CLDN14: variants seen among roughly 807,000 people sequenced by gnomAD.
CLDN14 encodes the protein claudin 14.
A neutral mutation model predicts 2.1 loss-of-function variants in CLDN14; 2 were observed. That is an observed-to-expected ratio of 0.96 (90% CI 0.39 to 3.01). CLDN14 has a LOEUF of 3.01. Ranked by LOEUF, CLDN14 falls within the 30% of genes most tolerant of loss-of-function variation. The probability of loss-of-function intolerance (pLI) is 0.09; values close to 1 mark genes in which losing one functional copy is unlikely to be tolerated. For synonymous variants in CLDN14, 136 were observed against 154.4 expected (o/e 0.88, Z 0.88); for missense variants, 298 against 328.0 (o/e 0.91, Z 0.71).
At chr21:36,531,261 G>T (rs2087377272) in intron 1 of CLDN14, among the ~76,000 whole-genome samples, 1 of 151,276 alleles carries the variant, frequency 6.6e-6, no homozygotes, top group Non-Finnish European at 1.5e-5. Flanking sequence ...AAATTTTAGG[G>T]AAATAAATAT....
chr21:36,535,465 G>C (rs2087416777), intron 1 of CLDN14, among the ~76,000 whole-genome samples: 1 of 151,874 alleles, frequency 6.6e-6, no homozygotes, highest in Non-Finnish European at 1.5e-5. Context: ...CATGGTAATG[G>C]AAAAAAGCAT....
intron 1 of CLDN14, among the ~76,000 whole-genome samples, chr21:36,469,091 A>T (rs964969019): frequency 5.3e-5 from 8 of 152,160 alleles, no homozygotes; most frequent in Admixed American, 2.6e-4. Flanking sequence ...CATCTTGGAC[A>T]CTGTGTTTCT....
At chr21:36,484,316 A>C (rs2086874197), upstream of CLDN14, among the ~76,000 whole-genome samples, 1 of 152,182 alleles carries the variant, frequency 6.6e-6, no homozygotes, top group Admixed American at 6.5e-5. Context: ...GTGAATTGCA[A>C]ATTCAGACTT....
At chr21:36,474,935 T>G (rs896643290) in intron 1 of CLDN14, among the ~76,000 whole-genome samples, 1 of 152,116 alleles carries the variant, frequency 6.6e-6, no homozygotes, top group African/African-American at 2.4e-5. Context: ...TGCTCCAAGT[T>G]TCTCAGGGAA....
intron 1 of CLDN14, among the ~76,000 whole-genome samples, chr21:36,549,276 A>ACTCT (rs1555854100): frequency 4.3e-5 from 6 of 139,538 alleles, no homozygotes; most frequent in African/African-American, 1.0e-4. Context: ...TTACACACAC[A>ACTCT]CTCTCTCTCT....
chr21:36,486,393 C>A, intron 2 of CLDN14: 1 of 1,064,252 alleles, frequency 9.4e-7, no homozygotes, highest in South Asian at 1.3e-5. Flanking sequence ...TGCAGCTGCT[C>A]GTCTGGGCTC....
intron 2 of CLDN14, among the ~76,000 whole-genome samples, chr21:36,491,378 A>C (rs973731468): frequency 2.0e-5 from 3 of 152,174 alleles, no homozygotes; most frequent in Non-Finnish European, 4.4e-5. Context: ...ACAAGAAGCA[A>C]CACACAAAGC....
rs558334411 is a variant in CLDN14 at position 36,467,522 on chromosome 21, G to A, written c.-81-5746C>T. Among the ~76,000 whole-genome samples, 81 of 152,238 alleles carry A rather than the reference G, an allele frequency of 5.3e-4. 1 individual carries two copies. Among genetic ancestry groups the A allele is most frequent in the Non-Finnish European group, 9.9e-4 (67 of 68,018 alleles). ...TCCAGGCTTCTTGGAGGGGTGCGGG[G>A]GTGGGACGAGGCCACCCTATCTCAC... On this transcript the variant is annotated intron_variant, in intron 1 of 1. Transcript: ENST00000399135.
chr21:36,460,928 C>T lies in CLDN14; in HGVS notation c.*48G>A, dbSNP rs199523516. 527 of 1,594,004 alleles carry T rather than the reference C, an allele frequency of 3.3e-4. 1 individual carries two copies. In the African/African-American group the frequency reaches 4.8e-3, roughly 15 times the overall value. On this transcript the variant is annotated 3_prime_UTR_variant, in exon 2 of 2. Coordinates refer to ENST00000399135, the MANE Select transcript of CLDN14 (RefSeq NM_001146079.2). The surrounding 1 kb of genome is among the most constrained non-coding windows in gnomAD (Gnocchi z 4.0). ...CCCCTGCCTCCATTGACAGTCCCGC[C>T]GGGGACCCAGCCCACAGCAGCCCAG...
intron 2 of CLDN14, among the ~76,000 whole-genome samples, chr21:36,494,159 C>T (rs1373516985): frequency 2.6e-5 from 4 of 152,164 alleles, no homozygotes; most frequent in Admixed American, 1.3e-4. Context: ...TGGCACAGAC[C>T]GGGAGACCAT....
At position 36,499,561 on chromosome 21, in the gene CLDN14, G is replaced by A. The variant is rs750964992; in HGVS notation, c.-82+10802C>T. Among the ~76,000 whole-genome samples the A allele has an allele frequency of 2.8e-4, 43 of 152,210 alleles. No homozygotes were observed. The highest frequency in any genetic ancestry group is 6.5e-4 in the African/African-American group (27 of 41,536). On this transcript the variant is annotated intron_variant, in intron 2 of 2. Coordinates refer to the CLDN14 transcript ENST00000342108. The surrounding 1 kb of genome is among the most constrained non-coding windows in gnomAD (Gnocchi z 4.7). ...TTGCAGGGGGCTTGTTGCAATGTCCGTACCAGGGCCCCAACCCAGACCTAC... is the reference window on the plus strand; with the variant it reads ...TTGCAGGGGGCTTGTTGCAATGTCCATACCAGGGCCCCAACCCAGACCTAC...
chr21:36,489,131 A>AAAAAAATATATATATAT, intron 2 of CLDN14, among the ~76,000 whole-genome samples: 6 of 62,732 alleles, frequency 9.6e-5, no homozygotes, highest in African/African-American at 2.3e-4. Flanking sequence ...AAAAAAAAAA[A>AAAAAAATATATATATAT]ATATATATAT....
chr21:36,537,656 C>CTTTT (rs71198822), intron 1 of CLDN14, among the ~76,000 whole-genome samples: 1 of 143,234 alleles, frequency 7.0e-6, no homozygotes, highest in Non-Finnish European at 1.5e-5. Flanking sequence ...CTTTTCTTTT[C>CTTTT]TTTTTTTTTT....
chr21:36,517,102 A>C (rs1346775962), intron 1 of CLDN14, among the ~76,000 whole-genome samples: 1 of 151,840 alleles, frequency 6.6e-6, no homozygotes, highest in Non-Finnish European at 1.5e-5. Context: ...AGCCTCCCAA[A>C]GTTCTGGGAT....
chr21:36,505,939 G>A (rs943105174), intron 2 of CLDN14, among the ~76,000 whole-genome samples: 1 of 152,180 alleles, frequency 6.6e-6, no homozygotes, highest in African/African-American at 2.4e-5. Context: ...TACTGTCAGT[G>A]TCTTTTTTGG....
intron 1 of CLDN14, among the ~76,000 whole-genome samples, chr21:36,469,353 G>A (rs1247910971): frequency 6.6e-6 from 1 of 152,108 alleles, no homozygotes. Flanking sequence ...CAGACTGGCA[G>A]GCATCTAGAT....
chr21:36,573,018 G>C (rs1357389740), intron 1 of CLDN14, among the ~76,000 whole-genome samples: 3 of 152,168 alleles, frequency 2.0e-5, no homozygotes, highest in African/African-American at 7.2e-5. Context: ...AATTGGAGGG[G>C]AGGCCGGGCG....
Position 36,499,883 on chromosome 21 carries a change from G to A in CLDN14, c.-82+10480C>T, listed in dbSNP as rs975630083. The stretch of plus-strand genomic sequence containing the variant: ...ACATTTTCACAACATCAGGGGGCTG[G>A]TGGAGAAAATCGGGGGGTCTCCGGA... On this transcript the variant is annotated intron_variant, in intron 2 of 2. Transcript: ENST00000342108. This position sits in a 1 kb window ranked among gnomAD's most constrained non-coding sequence, Gnocchi z 4.7. 6.6e-6 allele frequency among the ~76,000 whole-genome samples: 1 copy of A among 151,986 alleles called. No homozygotes were observed. The highest frequency in any genetic ancestry group is 2.4e-5 in the African/African-American group (1 of 41,306).
At chr21:36,528,025 C>A (rs558340251) in intron 1 of CLDN14, among the ~76,000 whole-genome samples, 1 of 152,258 alleles carries the variant, frequency 6.6e-6, no homozygotes, top group Admixed American at 6.5e-5. Flanking sequence ...TTCTCAAAGT[C>A]ATTGTCAAAT....
Sources: gnomAD v4.1 joint callset for allele counts (sites outside exome capture counted in the v4.1 genomes callset) on GRCh38, gnomAD v4.1.1 for gene constraint, Gnocchi (gnomAD v3.1) non-coding constraint, MANE v1.5 for transcripts, NCBI Gene and HGNC (gene_info 2026-07-23, HGNC 2026-07-21) for gene names.